SIRT1: variants seen among roughly 807,000 people sequenced by gnomAD.
SIRT1 encodes sirtuin 1.
Under a neutral mutation model 67.9 loss-of-function variants are expected in SIRT1, and 24 were observed. The ratio of observed to expected loss-of-function variants is 0.35; its 90% CI spans 0.26 to 0.50. SIRT1 has a LOEUF of 0.50. Ranked by LOEUF, SIRT1 falls within the 20% of genes least tolerant of loss-of-function variation. SIRT1 has a pLI of 0.98. For synonymous variants in SIRT1, 378 were observed against 350.7 expected (o/e 1.08, Z -0.87); for missense variants, 873 against 937.2 (o/e 0.93, Z 0.89).
Position 67,891,457 on chromosome 10 carries a change from G to A in SIRT1, c.845G>A (p.Arg282His), listed in dbSNP as rs762393274. The A allele has an allele frequency of 6.8e-6, 11 of 1,613,900 alleles. No individual in the cohort carries two copies. Among genetic ancestry groups the A allele is most frequent in the African/African-American group, 1.3e-5 (1 of 74,890 alleles). The change falls in exon 4 of 9, where the codon CGC (arginine) becomes CAC (histidine). Residue 282 changes from arginine to histidine, a missense_variant. By Grantham distance (29) the Arg-to-His change is conservative. Transcript: ENST00000212015. ...DFRSRDGIYA[R>H]LAVDFPDLPD... ...AGGTCAAGGGATGGTATTTATGCTC[G>A]CCTTGCTGTAGACTTCCCAGATCTT...
At chr10:67,903,650 G>C (rs185433637) in intron 4 of SIRT1, among the ~76,000 whole-genome samples, 63 of 152,292 alleles carry the variant, frequency 4.1e-4, no homozygotes, top group African/African-American at 1.1e-3. Flanking sequence ...GCCACCCAAA[G>C]TGCTGGGATT....
At chr10:67,886,309 C>T (rs533774100) in intron 1 of SIRT1, among the ~76,000 whole-genome samples, 3 of 151,436 alleles carry the variant, frequency 2.0e-5, no homozygotes, top group Non-Finnish European at 2.9e-5. Context: ...ATATTTGGGT[C>T]AGGCCGGGCG....
intron 3 of SIRT1, 90 bp downstream of exon 3, chr10:67,889,213 A>G: frequency 7.2e-7 from 1 of 1,392,858 alleles, no homozygotes; most frequent in Non-Finnish European, 9.6e-7. Context: ...AGAAGGATTT[A>G]TCCTTACATG....
In SIRT1 at chr10:67,912,664, A is replaced by G. The variant is rs200393531; in HGVS notation, c.1548A>G (p.Arg516=). The G allele has an allele frequency of 1.9e-5, 31 of 1,614,056 alleles. No homozygotes were observed. The highest frequency in any genetic ancestry group is 2.5e-5 in the Non-Finnish European group (30 of 1,180,038). ...KLSEITEKPP[R]TQKELAYLSE... ...CAGAAATTACTGAAAAACCTCCACG[A>G]ACACAAAAAGAATTGGCTTATTTGT... The change falls in exon 8 of 9, where the codon CGA becomes CGG. Residue 516 remains arginine, a synonymous_variant. Transcript: ENST00000212015.
intron 4 of SIRT1, among the ~76,000 whole-genome samples, chr10:67,904,169 C>T (rs2131875681): frequency 6.7e-6 from 1 of 148,690 alleles, no homozygotes; most frequent in African/African-American, 2.5e-5. Flanking sequence ...CTCTGTCACC[C>T]AGGCTGGAGA....
chr10:67,906,385 C>CT lies in SIRT1; in HGVS notation c.943-395dup, dbSNP rs34932755. On this transcript the variant is annotated intron_variant, in intron 4 of 8. Coordinates refer to ENST00000212015, the MANE Select transcript of SIRT1 (RefSeq NM_012238.5). ...TTTAAATATTCTTGTATTGACAGTGCTTTTTTTTTTAAATCACCCTACCTT... is the reference window on the plus strand; with the variant it reads ...TTTAAATATTCTTGTATTGACAGTGCTTTTTTTTTTTAAATCACCCTACCTT... 4.8e-3 allele frequency: 5,470 copies of CT among 1,129,996 alleles called. 2 individuals carry two copies. Among genetic ancestry groups the CT allele is most frequent in the Non-Finnish European group, 5.5e-3 (4,543 of 829,654 alleles). The allele number at this position is 1,129,996 out of a possible 1,614,324, so 70.0% of individuals were successfully genotyped here.
intron 4 of SIRT1, among the ~76,000 whole-genome samples, chr10:67,894,744 T>A (rs1466510223): frequency 6.6e-6 from 1 of 152,154 alleles, no homozygotes; most frequent in Non-Finnish European, 1.5e-5. Context: ...GGAGTCTTGC[T>A]CTGTTGCCAG....
chr10:67,907,485 T>A (rs1842837031), intron 5 of SIRT1, among the ~76,000 whole-genome samples: 1 of 105,430 alleles, frequency 9.5e-6, no homozygotes, highest in Non-Finnish European at 2.0e-5. Context: ...ACAGTGAGAC[T>A]CTGTCAAAAA....
At chr10:67,912,176 TA>T (rs1224482650) in intron 7 of SIRT1, among the ~76,000 whole-genome samples, 4 of 152,170 alleles carry the variant, frequency 2.6e-5, no homozygotes, top group Non-Finnish European at 5.9e-5. Flanking sequence ...GAAGTACTAT[TA>T]TCATCCCCAT....
intron 8 of SIRT1, among the ~76,000 whole-genome samples, chr10:67,915,143 C>T (rs1189964534): frequency 2.0e-5 from 3 of 152,048 alleles, no homozygotes; most frequent in African/African-American, 7.2e-5. Context: ...TCAGAGTTGT[C>T]ACACAGGTTG....
Position 67,884,977 on chromosome 10 carries a change from G to A in SIRT1, c.256G>A (p.Ala86Thr), listed in dbSNP as rs1384549244. 3.2e-6 allele frequency: 4 copies of A among 1,267,456 alleles called. No individual in the cohort carries two copies. In the South Asian group the frequency reaches 1.0e-4, roughly 33 times the overall value. The allele number at this position is 1,267,456 out of a possible 1,614,324, so 78.5% of individuals were successfully genotyped here. The part of the protein sequence containing the change: ...WREAEAEAAA[A>T]GGEQEAQATA... ...GGAGGCGGAGGCAGAGGCGGCGGCG[G>A]CAGGCGGGGAGCAAGAGGCCCAGGC... The change falls in exon 1 of 9, where the codon GCA (alanine) becomes ACA (threonine). Residue 86 changes from alanine (A) to threonine (T), a missense_variant. Physicochemically the swap from Ala to Thr is moderately conservative, Grantham distance 58. Coordinates refer to ENST00000212015, the MANE Select transcript of SIRT1 (RefSeq NM_012238.5).
At chr10:67,915,102 G>A (rs1197175651) in intron 8 of SIRT1, among the ~76,000 whole-genome samples, 1 of 152,036 alleles carries the variant, frequency 6.6e-6, no homozygotes, top group Admixed American at 6.6e-5. Flanking sequence ...ACAGTGATTT[G>A]TAGTGGACTG....
At chr10:67,902,604 A>G (rs1403498964) in intron 4 of SIRT1, among the ~76,000 whole-genome samples, 3 of 152,220 alleles carry the variant, frequency 2.0e-5, no homozygotes, top group Non-Finnish European at 4.4e-5. Context: ...TGAAAGAGAC[A>G]GGAGGGATTA....
chr10:67,909,538 GT>G, intron 7 of SIRT1, 96 bp downstream of exon 7: 1 of 1,009,758 alleles, frequency 9.9e-7, no homozygotes, highest in Non-Finnish European at 1.4e-6. Context: ...CTCTGCTTCT[GT>G]TTGAAAGAGT....
At chr10:67,909,940 G>C (rs1470251996) in intron 7 of SIRT1, among the ~76,000 whole-genome samples, 2 of 152,020 alleles carry the variant, frequency 1.3e-5, no homozygotes, top group Non-Finnish European at 2.9e-5. Context: ...TCGAACTCCT[G>C]GGCTCAAGTG....
chr10:67,893,879 C>T (rs1239177002), intron 4 of SIRT1, among the ~76,000 whole-genome samples: 2 of 152,152 alleles, frequency 1.3e-5, no homozygotes. Context: ...TAAACAGTGG[C>T]CTTATCTACT....
At chr10:67,887,354 C>T (rs1842499472) in intron 1 of SIRT1, 63 bp from the exon 2 acceptor site, 8 of 998,870 alleles carry the variant, frequency 8.0e-6, no homozygotes, top group South Asian at 6.6e-5. Context: ...TGCTCTATAA[C>T]CGTTCATACA....
chr10:67,916,620 TG>T lies in SIRT1; in HGVS notation c.*28del. 6.4e-7 allele frequency: 1 copy of T among 1,567,828 alleles called. No homozygotes were observed. The highest frequency in any genetic ancestry group is 8.7e-7 in the Non-Finnish European group (1 of 1,150,130). On this transcript the variant is annotated 3_prime_UTR_variant, in exon 9 of 9. Coordinates refer to ENST00000212015, the MANE Select transcript of SIRT1 (RefSeq NM_012238.5). The stretch of plus-strand genomic sequence containing the variant: ...GTAATAATTGTGCAGGTACAGGAAT[TG>T]TTCCACCAGCATTAGGAACTTTAGC...
chr10:67,898,841 GA>G (rs1375122079), intron 4 of SIRT1, among the ~76,000 whole-genome samples: 6 of 152,018 alleles, frequency 3.9e-5, no homozygotes, highest in Non-Finnish European at 8.8e-5. Context: ...TCCCTGAAAA[GA>G]AAAAACTTGG....
Sources: allele counts gnomAD v4.1 joint callset (sites outside exome capture counted in the v4.1 genomes callset), GRCh38; gene constraint gnomAD v4.1.1; transcripts MANE v1.5; gene names NCBI Gene and HGNC (gene_info 2026-07-23, HGNC 2026-07-21).